The following SLC39A11 variants were observed in gnomAD, a reference collection of about 807,000 sequenced individuals.
SLC39A11 encodes the protein solute carrier family 39 member 11.
A neutral mutation model predicts 36.1 loss-of-function variants in SLC39A11; 33 were observed. The ratio of observed to expected loss-of-function variants is 0.91; its 90% CI spans 0.69 to 1.22. The LOEUF is 1.22. Among genes scored for constraint, SLC39A11 ranks in the 50% most tolerant of loss-of-function variants. SLC39A11 has a pLI of 0.00. For synonymous variants in SLC39A11, 166 were observed against 170.3 expected (o/e 0.97, Z 0.20); for missense variants, 432 against 430.3 (o/e 1.00, Z -0.03).
intron 7 of SLC39A11, among the ~76,000 whole-genome samples, chr17:72,729,418 TATATATATATATATATATATA>T (rs2074074470): frequency 1.6e-3 from 5 of 3,056 alleles, no homozygotes; most frequent in Non-Finnish European, 3.5e-3. Context: ...TATATATATA[TATATATATATATATATATATA>T]TATATATATA....
intron 5 of SLC39A11, among the ~76,000 whole-genome samples, chr17:72,903,129 G>A (rs941895739): frequency 1.3e-5 from 2 of 152,042 alleles, no homozygotes; most frequent in African/African-American, 4.8e-5. Flanking sequence ...AGCAGGGCGT[G>A]GTGGCAGGAG....
intron 6 of SLC39A11, among the ~76,000 whole-genome samples, chr17:72,746,545 T>C (rs1455818295): frequency 6.6e-6 from 1 of 151,956 alleles, no homozygotes; most frequent in Non-Finnish European, 1.5e-5. Context: ...GGTCAGGAGA[T>C]CGAGACCACA....
At chr17:72,686,020 A>T (rs1293420251) in intron 7 of SLC39A11, among the ~76,000 whole-genome samples, 1 of 150,410 alleles carries the variant, frequency 6.6e-6, no homozygotes, top group Non-Finnish European at 1.5e-5. Flanking sequence ...TAGGTGACTG[A>T]GACTCTGTCT....
chr17:72,809,199 T>TTC (rs66472539), intron 6 of SLC39A11, among the ~76,000 whole-genome samples: 3,540 of 102,294 alleles, frequency 0.035, 50 homozygotes, highest in Non-Finnish European at 0.056. Context: ...TTTCTTTTCT[T>TTC]TCTCTCTCTC....
At position 72,899,731 on chromosome 17, in the gene SLC39A11, G is replaced by A. The variant is rs1180890779; in HGVS notation, c.430+48021C>T. On this transcript the variant is annotated intron_variant, in intron 5 of 9. Coordinates refer to ENST00000255559, the MANE Select transcript of SLC39A11 (RefSeq NM_139177.4). ...AATCCCAGCACTTTGGGAGGCCAAGGTGGACGGATCACTTGAGGTCACGAG... is the reference window on the plus strand; with the variant it reads ...AATCCCAGCACTTTGGGAGGCCAAGATGGACGGATCACTTGAGGTCACGAG... Among the ~76,000 whole-genome samples the A allele has an allele frequency of 2.0e-5, 3 of 152,208 alleles. 1 individual carries two copies. The highest frequency in any genetic ancestry group is 6.3e-3 in the Middle Eastern group (2 of 316).
chr17:72,691,106 G>T (rs1266671544), intron 7 of SLC39A11, among the ~76,000 whole-genome samples: 1 of 152,180 alleles, frequency 6.6e-6, no homozygotes, highest in Admixed American at 6.5e-5. Flanking sequence ...CAGACTAGGG[G>T]TGGGGGACCT....
chr17:72,710,280 T>C (rs747891067), intron 7 of SLC39A11, among the ~76,000 whole-genome samples: 2 of 152,222 alleles, frequency 1.3e-5, no homozygotes, highest in Non-Finnish European at 2.9e-5. Context: ...TCACCTTGAT[T>C]TGTTTTCTTT....
intron 4 of SLC39A11, among the ~76,000 whole-genome samples, chr17:72,977,291 C>T (rs1007334229): frequency 3.3e-5 from 5 of 152,178 alleles, no homozygotes; most frequent in Admixed American, 6.5e-5. Context: ...CGCAGCCCTG[C>T]TGTATCCTGC....
intron 3 of SLC39A11, among the ~76,000 whole-genome samples, chr17:73,037,254 G>A (rs114503706): frequency 0.017 from 2,567 of 152,328 alleles, 81 homozygotes; most frequent in African/African-American, 0.058. Context: ...GGGCCAAGGA[G>A]TGGAATTGTT....
chr17:72,911,938 C>A (rs1353115325), intron 5 of SLC39A11, among the ~76,000 whole-genome samples: 2 of 152,148 alleles, frequency 1.3e-5, no homozygotes, highest in East Asian at 3.9e-4. Flanking sequence ...GCCACTGCAG[C>A]CTGGCCCAGT....
intron 7 of SLC39A11, among the ~76,000 whole-genome samples, chr17:72,734,944 CA>C (rs2074361239): frequency 6.6e-6 from 1 of 152,152 alleles, no homozygotes; most frequent in South Asian, 2.1e-4. Flanking sequence ...ACTGCTGTGC[CA>C]GGGGCAGAAG....
chr17:72,695,156 A>G (rs1262880443), intron 7 of SLC39A11, among the ~76,000 whole-genome samples: 1 of 152,154 alleles, frequency 6.6e-6, no homozygotes, highest in Non-Finnish European at 1.5e-5. Context: ...CTCTGACCTC[A>G]TCTCCCAGAG....
intron 4 of SLC39A11, among the ~76,000 whole-genome samples, chr17:73,003,452 T>G (rs544908754): frequency 6.6e-6 from 1 of 152,122 alleles, no homozygotes; most frequent in African/African-American, 2.4e-5. Flanking sequence ...TGGTGGGCAG[T>G]AGACAGAAAA....
intron 5 of SLC39A11, among the ~76,000 whole-genome samples, chr17:72,856,113 T>C (rs1019243559): frequency 2.0e-5 from 3 of 152,188 alleles, no homozygotes; most frequent in Non-Finnish European, 4.4e-5. Context: ...TTCCCAGAAG[T>C]TGAACTGTTG....
intron 4 of SLC39A11, among the ~76,000 whole-genome samples, chr17:72,959,598 G>C (rs2086483253): frequency 6.6e-6 from 1 of 151,746 alleles, no homozygotes; most frequent in Non-Finnish European, 1.5e-5. Flanking sequence ...AGGGATAAAA[G>C]ACTACAAACA....
intron 4 of SLC39A11, among the ~76,000 whole-genome samples, chr17:73,017,654 G>C (rs9900470): frequency 6.6e-6 from 1 of 151,940 alleles, no homozygotes; most frequent in South Asian, 2.1e-4. Flanking sequence ...CGGAGGTTGC[G>C]GTGAGCTAAG....
chr17:72,849,648 A>G lies in SLC39A11; in HGVS notation c.587T>C (p.Ile196Thr). 1 of 1,573,496 alleles carries G rather than the reference A, an allele frequency of 6.4e-7. No individual in the cohort carries two copies. Among genetic ancestry groups the G allele is most frequent in the Non-Finnish European group, 8.6e-7 (1 of 1,162,904 alleles). The change falls in exon 6 of 10, where the codon ATA (isoleucine) becomes ACA (threonine). Residue 196 changes from isoleucine (I) to threonine (T), a missense_variant. By Grantham distance (89) the Ile-to-Thr change is moderately conservative. Coordinates refer to ENST00000255559, the MANE Select transcript of SLC39A11 (RefSeq NM_139177.4). ...RIALLILAIT[I>T]HNVPEGLAVG... is the part of the protein sequence containing the mutation. ...CAAGACCTCACCTGGAACGTTGTGT[A>G]TAGTGATGGCCAAGATGAGCAGTGC...
intron 7 of SLC39A11, 81 bp from the exon 8 acceptor site, chr17:72,649,349 C>A (rs1043913166): frequency 4.7e-6 from 6 of 1,279,958 alleles, no homozygotes; most frequent in African/African-American, 4.4e-5. Context: ...GAGGCCAAGA[C>A]CTCCGTGGGT....
At chr17:72,714,791 C>G (rs1357323101) in intron 7 of SLC39A11, among the ~76,000 whole-genome samples, 3 of 152,212 alleles carry the variant, frequency 2.0e-5, no homozygotes, top group African/African-American at 7.2e-5. Context: ...TGCAGCTGTT[C>G]ACCTCCTGTG....
Sources: gnomAD v4.1 joint callset for allele counts (sites outside exome capture counted in the v4.1 genomes callset) on GRCh38, gnomAD v4.1.1 for gene constraint, MANE v1.5 for transcripts, NCBI Gene and HGNC (gene_info 2026-07-23, HGNC 2026-07-21) for gene names.